ZNF385D: variants seen among roughly 807,000 people sequenced by gnomAD.
ZNF385D encodes the protein zinc finger protein 659.
Under a neutral mutation model 35.8 loss-of-function variants are expected in ZNF385D, and 15 were observed. The observed-to-expected ratio is 0.42, with a 90% CI of 0.28 to 0.64. The LOEUF is 0.64. Among genes scored for constraint, ZNF385D ranks in the 30% least tolerant of loss-of-function variants. The probability of loss-of-function intolerance (pLI) is 0.23; values close to 1 mark genes in which losing one functional copy is unlikely to be tolerated. For missense variants in ZNF385D, 474 were observed against 494.6 expected, an observed-to-expected ratio of 0.96 and a Z score of 0.39; for synonymous variants, 212 against 186.8, an observed-to-expected ratio of 1.13 and a Z score of -1.10.
chr3:22,266,103 G>A lies in ZNF385D; in HGVS notation c.107-97068C>T, dbSNP rs572889093. 1.0e-3 allele frequency among the ~76,000 whole-genome samples: 153 copies of A among 152,060 alleles called. 1 individual carries two copies. The highest frequency in any genetic ancestry group is 1.3e-3 in the Non-Finnish European group (87 of 67,938). On this transcript the variant is annotated intron_variant, in intron 2 of 5. Transcript: ENST00000494108. ...AGCCCTGGAATTTCTGTCAATGACTGAGGTTACTCTCAACTGGATTCTTAT... is the reference window on the plus strand; with the variant it reads ...AGCCCTGGAATTTCTGTCAATGACTAAGGTTACTCTCAACTGGATTCTTAT...
chr3:22,213,785 C>T (rs1318127274), intron 2 of ZNF385D, among the ~76,000 whole-genome samples: 1 of 152,000 alleles, frequency 6.6e-6, no homozygotes, highest in Non-Finnish European at 1.5e-5. Flanking sequence ...CAAGAAGTCT[C>T]AGGAAGACTA....
intron 1 of ZNF385D, among the ~76,000 whole-genome samples, chr3:21,692,644 C>T (rs1054259206): frequency 3.3e-5 from 5 of 152,234 alleles, no homozygotes; most frequent in East Asian, 1.9e-4. Flanking sequence ...CTGCACTCTA[C>T]GCAGAATGCC....
intron 3 of ZNF385D, among the ~76,000 whole-genome samples, chr3:21,869,784 T>C (rs1176301118): frequency 6.6e-6 from 1 of 152,128 alleles, no homozygotes; most frequent in Non-Finnish European, 1.5e-5. Context: ...GACAGAAAAT[T>C]AAGCCTGGAG....
intron 2 of ZNF385D, among the ~76,000 whole-genome samples, chr3:22,299,413 C>T (rs1288347329): frequency 1.3e-5 from 2 of 151,322 alleles, no homozygotes; most frequent in African/African-American, 2.4e-5. Flanking sequence ...TTATACTACA[C>T]GGGGGGAATG....
At chr3:22,269,808 G>T (rs1265235417) in intron 2 of ZNF385D, among the ~76,000 whole-genome samples, 1 of 151,662 alleles carries the variant, frequency 6.6e-6, no homozygotes, top group Non-Finnish European at 1.5e-5. Context: ...TCCTCTGCTT[G>T]TCTGAATCTC....
At chr3:21,507,761 G>T (rs1706887818) in intron 4 of ZNF385D, among the ~76,000 whole-genome samples, 2 of 152,264 alleles carry the variant, frequency 1.3e-5, no homozygotes, top group South Asian at 4.1e-4. Flanking sequence ...TTTCAGAGTT[G>T]TGCTAATCAG....
At chr3:21,540,569 T>A (rs1181983311) in intron 3 of ZNF385D, among the ~76,000 whole-genome samples, 1 of 152,158 alleles carries the variant, frequency 6.6e-6, no homozygotes, top group Non-Finnish European at 1.5e-5. Context: ...ATAAAACCTG[T>A]TCAGAGACTA....
At chr3:22,062,289 A>C in intron 3 of ZNF385D, among the ~76,000 whole-genome samples, 2 of 152,112 alleles carry the variant, frequency 1.3e-5, no homozygotes, top group East Asian at 3.9e-4. Context: ...TCTCGGGATC[A>C]AGCAATCCAC....
chr3:22,129,305 C>T (rs1703634140), intron 3 of ZNF385D, among the ~76,000 whole-genome samples: 1 of 152,126 alleles, frequency 6.6e-6, no homozygotes, highest in South Asian at 2.1e-4. Flanking sequence ...CTGGTTCTTG[C>T]CTAAGGCCTG....
intron 3 of ZNF385D, among the ~76,000 whole-genome samples, chr3:21,811,628 C>T (rs1373630820): frequency 6.6e-6 from 1 of 152,074 alleles, no homozygotes; most frequent in Non-Finnish European, 1.5e-5. Context: ...GAAATAAAAG[C>T]AGCTAGCATT....
chr3:22,071,057 A>C (rs1352075726), intron 3 of ZNF385D, among the ~76,000 whole-genome samples: 3 of 152,154 alleles, frequency 2.0e-5, no homozygotes, highest in Non-Finnish European at 2.9e-5. Context: ...TGCACTGAAC[A>C]CTTTGAAATA....
chr3:21,948,952 C>G (rs1701925425), intron 3 of ZNF385D, among the ~76,000 whole-genome samples: 1 of 152,116 alleles, frequency 6.6e-6, no homozygotes, highest in South Asian at 2.1e-4. Flanking sequence ...AAATTGCCCT[C>G]CAGGAATGGT....
intron 2 of ZNF385D, among the ~76,000 whole-genome samples, chr3:22,268,495 G>A (rs2125357180): frequency 6.6e-6 from 1 of 152,024 alleles, no homozygotes; most frequent in Admixed American, 6.6e-5. Context: ...GGCTTTGCAG[G>A]TCAGAGGGTC....
At chr3:21,798,725 A>G (rs2125679370) in intron 3 of ZNF385D, among the ~76,000 whole-genome samples, 1 of 152,252 alleles carries the variant, frequency 6.6e-6, no homozygotes, top group South Asian at 2.1e-4. Flanking sequence ...AAGAAGGGGG[A>G]GCTGATCATA....
At chr3:21,960,935 T>C (rs1464524576) in intron 3 of ZNF385D, among the ~76,000 whole-genome samples, 6 of 151,942 alleles carry the variant, frequency 3.9e-5, no homozygotes, top group African/African-American at 1.5e-4. Context: ...AAGAGGAGAA[T>C]AGGAAGATGT....
chr3:21,553,887 C>A (rs544046828), intron 3 of ZNF385D, among the ~76,000 whole-genome samples: 1 of 152,182 alleles, frequency 6.6e-6, no homozygotes, highest in African/African-American at 2.4e-5. Context: ...TTCATCAATT[C>A]AATCACAGAT....
At chr3:22,120,791 C>T (rs959423706) in intron 3 of ZNF385D, among the ~76,000 whole-genome samples, 1 of 151,998 alleles carries the variant, frequency 6.6e-6, no homozygotes, top group African/African-American at 2.4e-5. Context: ...ATATGTTTTC[C>T]TAATTACCGT....
intron 3 of ZNF385D, among the ~76,000 whole-genome samples, chr3:22,092,209 A>T (rs897877075): frequency 2.0e-5 from 3 of 152,182 alleles, no homozygotes; most frequent in East Asian, 3.9e-4. Flanking sequence ...TGGAACCTGT[A>T]AACATTCCTT....
intron 2 of ZNF385D, among the ~76,000 whole-genome samples, chr3:21,586,363 C>T (rs2063811298): frequency 6.6e-6 from 1 of 152,114 alleles, no homozygotes; most frequent in Non-Finnish European, 1.5e-5. Flanking sequence ...TAAAGCCAGG[C>T]ATGTTCAGAA....
Sources: allele counts gnomAD v4.1 joint callset (sites outside exome capture counted in the v4.1 genomes callset), GRCh38; gene constraint gnomAD v4.1.1; transcripts MANE v1.5; gene names NCBI Gene and HGNC (gene_info 2026-07-23, HGNC 2026-07-21).